NEK11: variants seen among roughly 807,000 people sequenced by gnomAD.
The protein encoded by NEK11 is NIMA related kinase 11, also known as serine/threonine-protein kinase Nek11.
NEK11 carries 72 observed loss-of-function variants against 80.7 expected under a neutral mutation model. That is an observed-to-expected ratio of 0.89 (90% confidence interval 0.74 to 1.08). The LOEUF (loss-of-function observed/expected upper bound fraction) is 1.08, where lower values mean the gene tolerates loss of function less well. Ranked by LOEUF, NEK11 falls within the 50% of genes least tolerant of loss-of-function variation. The pLI is 0.00. For synonymous variants in NEK11, 251 were observed against 260.7 expected (o/e 0.96, Z 0.36); for missense variants, 764 against 763.6 (o/e 1.00, Z -0.01).
intron 17 of NEK11, among the ~76,000 whole-genome samples, chr3:131,322,836 T>C (rs1384108052): frequency 2.0e-5 from 3 of 152,200 alleles, no homozygotes; most frequent in African/African-American, 4.8e-5. Context: ...CTCCCCTTCA[T>C]TGTCCTTGCT....
chr3:131,081,648 A>G (rs971655085), intron 4 of NEK11, among the ~76,000 whole-genome samples: 2 of 152,214 alleles, frequency 1.3e-5, no homozygotes, highest in Non-Finnish European at 2.9e-5. Flanking sequence ...GGTTAGCCAA[A>G]TGCACCTTGG....
intron 14 of NEK11, among the ~76,000 whole-genome samples, chr3:131,178,740 A>C (rs1323573298): frequency 6.6e-6 from 1 of 152,210 alleles, no homozygotes; most frequent in Non-Finnish European, 1.5e-5. Context: ...TAAATATGTA[A>C]AGTAGTAACA....
At chr3:131,338,386 G>A (rs1220917164) in intron 17 of NEK11, among the ~76,000 whole-genome samples, 2 of 150,898 alleles carry the variant, frequency 1.3e-5, no homozygotes, top group East Asian at 3.9e-4. Context: ...AAACAGTTGA[G>A]TGGTTTCTTC....
intron 14 of NEK11, among the ~76,000 whole-genome samples, chr3:131,207,682 A>T (rs2094485001): frequency 1.3e-5 from 2 of 151,860 alleles, no homozygotes; most frequent in Non-Finnish European, 2.9e-5. Context: ...ATGGTATTTC[A>T]TTGTGGTTTT....
intron 17 of NEK11, among the ~76,000 whole-genome samples, chr3:131,299,302 A>C (rs1484647849): frequency 1.3e-5 from 2 of 152,122 alleles, no homozygotes; most frequent in African/African-American, 4.8e-5. Context: ...TCCTGGTTTC[A>C]AGTGATTCTC....
intron 16 of NEK11, among the ~76,000 whole-genome samples, chr3:131,270,913 T>C (rs1439941455): frequency 1.3e-5 from 2 of 152,232 alleles, no homozygotes; most frequent in East Asian, 3.8e-4. Flanking sequence ...ATTTTTGAGC[T>C]TGCATGTGAG....
At chr3:131,341,047 T>C (rs1222030903) in intron 17 of NEK11, among the ~76,000 whole-genome samples, 1 of 152,194 alleles carries the variant, frequency 6.6e-6, no homozygotes, top group African/African-American at 2.4e-5. Context: ...CTCTTTTAAT[T>C]TGAACAGCAC....
chr3:131,242,114 G>A (rs1398299964), intron 15 of NEK11, among the ~76,000 whole-genome samples: 1 of 151,974 alleles, frequency 6.6e-6, no homozygotes, highest in African/African-American at 2.4e-5. Flanking sequence ...CTCCATAAAA[G>A]CAATGTCTAA....
intron 17 of NEK11, among the ~76,000 whole-genome samples, chr3:131,295,818 T>C (rs553715162): frequency 6.6e-6 from 1 of 152,290 alleles, no homozygotes; most frequent in Admixed American, 6.5e-5. Flanking sequence ...TTACAACTAA[T>C]CCAAGTTTAC....
chr3:131,334,583 C>G (rs1263767346), intron 17 of NEK11, among the ~76,000 whole-genome samples: 1 of 150,944 alleles, frequency 6.6e-6, no homozygotes, highest in African/African-American at 2.4e-5. Flanking sequence ...CAAACACATT[C>G]AAAAGCTAGC....
rs187798340 is a variant in NEK11 at position 131,286,029 on chromosome 3, G to T, written c.1718+12455G>T. Among the ~76,000 whole-genome samples the T allele has an allele frequency of 1.5e-3, 229 of 152,230 alleles. 1 individual carries two copies. Among genetic ancestry groups the T allele is most frequent in the African/African-American group, 5.3e-3 (221 of 41,540 alleles). On this transcript the variant is annotated intron_variant, in intron 17 of 17. Coordinates refer to ENST00000383366, the MANE Select transcript of NEK11 (RefSeq NM_024800.5). The stretch of plus-strand genomic sequence containing the variant: ...GAATAATTAAAAATAGCACTATATT[G>T]TGTATTAAGTGGTCACCCAATAAAT...
chr3:131,109,765 AG>A (rs767477103), intron 4 of NEK11, 37 bp from the exon 5 acceptor site: 10 of 1,547,696 alleles, frequency 6.5e-6, no homozygotes, highest in Admixed American at 4.5e-5. Context: ...TTAACATATT[AG>A]CTGAAAAAAT....
At chr3:131,291,994 A>C (rs915674124) in intron 17 of NEK11, among the ~76,000 whole-genome samples, 6 of 152,202 alleles carry the variant, frequency 3.9e-5, no homozygotes, top group African/African-American at 1.4e-4. Flanking sequence ...AGTCATTGCC[A>C]TACTCAAGGT....
chr3:131,165,931 C>A (rs1298371553), intron 12 of NEK11, among the ~76,000 whole-genome samples: 2 of 151,932 alleles, frequency 1.3e-5, no homozygotes, highest in Admixed American at 1.3e-4. Context: ...TGTTTCCTAC[C>A]CATTTTGTTG....
In NEK11 at chr3:131,298,688, AGGT is replaced by A. The variant is rs1019957752; in HGVS notation, c.1718+25139_1718+25141del. 5.9e-4 allele frequency among the ~76,000 whole-genome samples: 88 copies of A among 149,918 alleles called. 1 individual carries two copies. Among genetic ancestry groups the A allele is most frequent in the African/African-American group, 5.4e-4 (22 of 40,948 alleles). On this transcript the variant is annotated intron_variant, in intron 17 of 17. Coordinates refer to ENST00000383366, the MANE Select transcript of NEK11 (RefSeq NM_024800.5). The stretch of plus-strand genomic sequence containing the variant: ...TCTGTAGTTTGAAAATAATATGCCT[AGGT>A]GGTGGTGGTGGTGGTGGTGGTGGTA...
intron 4 of NEK11, among the ~76,000 whole-genome samples, chr3:131,109,160 G>C (rs1293020622): frequency 6.6e-6 from 1 of 151,978 alleles, no homozygotes. Context: ...TTTTTTCCTG[G>C]AGTGATATCA....
intron 16 of NEK11, among the ~76,000 whole-genome samples, chr3:131,262,351 T>A (rs749353428): frequency 2.6e-5 from 4 of 152,084 alleles, no homozygotes; most frequent in Non-Finnish European, 5.9e-5. Context: ...CAAGAGTCTG[T>A]CTCTAAACAT....
At chr3:131,027,709 G>C (rs1436727929) in intron 1 of NEK11, 1 of 147,958 alleles carries the variant, frequency 6.8e-6, no homozygotes, top group Non-Finnish European at 1.5e-5. Context: ...TTATGGTTGC[G>C]CAGAGGAGAC....
At chr3:131,329,663 G>A (rs2110002604) in intron 17 of NEK11, 1 of 152,314 alleles carries the variant, frequency 6.6e-6, no homozygotes, top group East Asian at 1.9e-4. Context: ...GTCAGAATAT[G>A]TCTCTCTGAG....
Sources: allele counts gnomAD v4.1 joint callset (sites outside exome capture counted in the v4.1 genomes callset), GRCh38; gene constraint gnomAD v4.1.1; transcripts MANE v1.5; gene names NCBI Gene and HGNC (gene_info 2026-07-23, HGNC 2026-07-21).